Variants in SUGCT observed in about 807,000 individuals in gnomAD.
SUGCT encodes succinyl-CoA:glutarate CoA-transferase.
A neutral mutation model predicts 55.0 loss-of-function variants in SUGCT; 41 were observed. That is an observed-to-expected ratio of 0.74 (90% CI 0.58 to 0.97). The LOEUF (loss-of-function observed/expected upper bound fraction) is 0.97, where lower values mean the gene tolerates loss of function less well. SUGCT is among the 50% of genes least tolerant of loss of function. The probability of loss-of-function intolerance (pLI) is 0.00; values close to 1 mark genes in which losing one functional copy is unlikely to be tolerated. For missense variants in SUGCT, 568 were observed against 547.8 expected (o/e 1.04, Z -0.37); for synonymous variants, 187 against 200.4 (o/e 0.93, Z 0.56).
chr7:40,942,687 G>A, the SUGCT span, among the ~76,000 whole-genome samples: 1 of 151,774 alleles, frequency 6.6e-6, no homozygotes, highest in Non-Finnish European at 1.5e-5. Flanking sequence ...TCTCTCTCAG[G>A]AACACTAATC....
At chr7:40,336,716 T>G (rs183263027) in intron 9 of SUGCT, among the ~76,000 whole-genome samples, 1 of 152,276 alleles carries the variant, frequency 6.6e-6, no homozygotes, top group Admixed American at 6.5e-5. Flanking sequence ...GATTCATTGA[T>G]TTTTTGAAGG....
At chr7:40,848,043 AT>A (rs1793666224) in intron 13 of SUGCT, among the ~76,000 whole-genome samples, 1 of 152,186 alleles carries the variant, frequency 6.6e-6, no homozygotes, top group Non-Finnish European at 1.5e-5. Context: ...GGGCGTGCCA[AT>A]TATAACTTTA....
chr7:40,559,325 G>A (rs538536738), intron 12 of SUGCT, among the ~76,000 whole-genome samples: 58 of 152,316 alleles, frequency 3.8e-4, no homozygotes, highest in African/African-American at 1.3e-3. Flanking sequence ...CAATCACTGC[G>A]CTGTGGTGTT....
intron 11 of SUGCT, among the ~76,000 whole-genome samples, chr7:40,464,694 G>T (rs1790004492): frequency 1.3e-5 from 2 of 152,152 alleles, no homozygotes; most frequent in Admixed American, 1.3e-4. Context: ...AAATTTAACT[G>T]GCCCTGCTGG....
At chr7:40,420,038 C>G (rs1288844864) in intron 9 of SUGCT, among the ~76,000 whole-genome samples, 1 of 152,136 alleles carries the variant, frequency 6.6e-6, no homozygotes, top group Non-Finnish European at 1.5e-5. Flanking sequence ...AACAGAAAAT[C>G]TGAATCAGCA....
intron 13 of SUGCT, among the ~76,000 whole-genome samples, chr7:40,838,550 A>G (rs1335866444): frequency 2.6e-5 from 4 of 152,032 alleles, no homozygotes; most frequent in Non-Finnish European, 5.9e-5. Context: ...CAGTTTCCAC[A>G]TTTTCCTTAT....
In SUGCT at chr7:40,366,991, A is replaced by G. The variant is rs542824826; in HGVS notation, c.816+50136A>G. ...GTATGTTTATTGCGGCACTATTCACAGTAGCAAAGAGTTGGAACCAACCCA... is the reference window on the plus strand; with the variant it reads ...GTATGTTTATTGCGGCACTATTCACGGTAGCAAAGAGTTGGAACCAACCCA... On this transcript the variant is annotated intron_variant, in intron 9 of 13. Coordinates refer to ENST00000335693, the MANE Select transcript of SUGCT (RefSeq NM_001193313.2). Among the ~76,000 whole-genome samples, 24 of 152,338 alleles carry G rather than the reference A, an allele frequency of 1.6e-4. No homozygotes were observed. The East Asian group carries it at 3.1e-3, about 20-fold the overall frequency.
chr7:40,372,441 G>A (rs987403635), intron 9 of SUGCT, among the ~76,000 whole-genome samples: 3 of 151,916 alleles, frequency 2.0e-5, no homozygotes, highest in Non-Finnish European at 4.4e-5. Context: ...ACCTTAATTT[G>A]ATTTTTAAAA....
At chr7:40,703,369 A>C (rs974518496) in intron 12 of SUGCT, among the ~76,000 whole-genome samples, 1 of 152,098 alleles carries the variant, frequency 6.6e-6, no homozygotes, top group African/African-American at 2.4e-5. Context: ...TTTTTCCTGG[A>C]GATCTCAGCA....
At chr7:40,486,372 C>A (rs1297745514) in intron 11 of SUGCT, among the ~76,000 whole-genome samples, 1 of 152,070 alleles carries the variant, frequency 6.6e-6, no homozygotes, top group African/African-American at 2.4e-5. Flanking sequence ...CTTTAAAGAA[C>A]TTGGACCCCT....
chr7:40,683,492 A>G (rs1007551952), intron 12 of SUGCT, among the ~76,000 whole-genome samples: 1 of 152,182 alleles, frequency 6.6e-6, no homozygotes, highest in African/African-American at 2.4e-5. Context: ...GACACATTTG[A>G]GAAATGGCTC....
chr7:40,158,618 C>A (rs761277168), intron 1 of SUGCT, among the ~76,000 whole-genome samples: 2 of 152,076 alleles, frequency 1.3e-5, no homozygotes, highest in African/African-American at 4.8e-5. Flanking sequence ...GGCGTGGTGG[C>A]ATGTGCCTGT....
the SUGCT span, among the ~76,000 whole-genome samples, chr7:40,942,912 A>T: frequency 1.3e-5 from 2 of 151,926 alleles, no homozygotes; most frequent in Non-Finnish European, 2.9e-5. Flanking sequence ...AGAAGTTCTG[A>T]TTACTTTTTA....
intron 7 of SUGCT, among the ~76,000 whole-genome samples, chr7:40,239,370 G>T (rs553184593): frequency 9.9e-5 from 15 of 152,282 alleles, no homozygotes; most frequent in Non-Finnish European, 1.6e-4. Flanking sequence ...GCTGTACCCT[G>T]CTGGCCTTCC....
intron 9 of SUGCT, among the ~76,000 whole-genome samples, chr7:40,390,996 T>C (rs888406732): frequency 6.6e-6 from 1 of 152,226 alleles, no homozygotes; most frequent in African/African-American, 2.4e-5. Context: ...TACAACCATC[T>C]GTTCTTTGAC....
intron 3 of SUGCT, among the ~76,000 whole-genome samples, chr7:40,188,158 G>T (rs542190042): frequency 1.3e-5 from 2 of 151,994 alleles, no homozygotes; most frequent in South Asian, 4.2e-4. Context: ...AAATGGATGG[G>T]CGCGGTGGCT....
intron 12 of SUGCT, among the ~76,000 whole-genome samples, chr7:40,709,514 G>A (rs754780949): frequency 1.2e-4 from 19 of 152,244 alleles, no homozygotes; most frequent in Non-Finnish European, 2.5e-4. Flanking sequence ...CCTGCAAGGA[G>A]TTCAGGCTTA....
chr7:40,286,332 C>T (rs3980358), intron 8 of SUGCT, among the ~76,000 whole-genome samples: 96,634 of 151,950 alleles, frequency 0.64, 31,060 homozygotes, highest in Non-Finnish European at 0.7. Context: ...AGAAGGAGCC[C>T]GCCACAGGAC....
the SUGCT span, among the ~76,000 whole-genome samples, chr7:41,038,324 C>A: frequency 1.3e-5 from 2 of 152,224 alleles, no homozygotes; most frequent in African/African-American, 2.4e-5. Context: ...TCCTCTGATT[C>A]TTCCTTCTGC....
Sources: gnomAD v4.1 joint callset for allele counts (sites outside exome capture counted in the v4.1 genomes callset) on GRCh38, gnomAD v4.1.1 for gene constraint, MANE v1.5 for transcripts, NCBI Gene and HGNC (gene_info 2026-07-23, HGNC 2026-07-21) for gene names.